Variants in CSMD1 observed in about 807,000 individuals in gnomAD.
The protein encoded by CSMD1 is CUB and Sushi multiple domains 1, also known as CUB and sushi domain-containing protein 1.
In CSMD1, 213 loss-of-function variants were observed where a neutral mutation model predicts 417.5. The ratio of observed to expected loss-of-function variants is 0.51; its 90% CI spans 0.46 to 0.57. The LOEUF (loss-of-function observed/expected upper bound fraction) is 0.57. CSMD1 is among the 20% of genes least tolerant of loss of function. The pLI, the probability that CSMD1 is intolerant of heterozygous loss-of-function variation, is 0.00. For synonymous variants in CSMD1, 2,862 were observed against 1,736.8 expected, an observed-to-expected ratio of 1.65 and a Z score of -16.11; for missense variants, 6,923 against 4,529.7, an observed-to-expected ratio of 1.53 and a Z score of -15.17.
intron 31 of CSMD1, among the ~76,000 whole-genome samples, chr8:3,205,080 G>A (rs1279570160): frequency 1.3e-5 from 2 of 152,178 alleles, no homozygotes; most frequent in Non-Finnish European, 2.9e-5. Flanking sequence ...TTGACTCAAG[G>A]ATGCAGTGAT....
At chr8:4,797,501 G>C (rs1798047124) in intron 1 of CSMD1, among the ~76,000 whole-genome samples, 1 of 152,186 alleles carries the variant, frequency 6.6e-6, no homozygotes, top group Non-Finnish European at 1.5e-5. Context: ...GTCTTTGCCA[G>C]CACTTTTAAT....
At chr8:3,339,304 AG>A (rs543377978) in intron 23 of CSMD1, among the ~76,000 whole-genome samples, 241 of 152,088 alleles carry the variant, frequency 1.6e-3, no homozygotes, top group African/African-American at 5.7e-3. Flanking sequence ...CTTCACTTCA[AG>A]CCTCTGTTTG....
intron 3 of CSMD1, among the ~76,000 whole-genome samples, chr8:4,238,152 T>C (rs943279621): frequency 1.3e-5 from 2 of 152,210 alleles, no homozygotes; most frequent in Non-Finnish European, 2.9e-5. Flanking sequence ...GTAAGTCCAG[T>C]CCTGGAATCC....
intron 5 of CSMD1, among the ~76,000 whole-genome samples, chr8:3,840,604 G>C (rs930135183): frequency 3.3e-5 from 5 of 151,964 alleles, no homozygotes; most frequent in Non-Finnish European, 4.4e-5. Flanking sequence ...GTATGTATAG[G>C]TGTGAGTTTA....
chr8:3,539,908 C>A (rs1392605241), intron 10 of CSMD1, among the ~76,000 whole-genome samples: 1 of 152,136 alleles, frequency 6.6e-6, no homozygotes, highest in Non-Finnish European at 1.5e-5. Flanking sequence ...AATTTAGACA[C>A]AATTGCTTCA....
chr8:3,339,959 A>G (rs1048698779), intron 23 of CSMD1, among the ~76,000 whole-genome samples: 1 of 152,204 alleles, frequency 6.6e-6, no homozygotes, highest in Admixed American at 6.5e-5. Context: ...TTTTGGTCTG[A>G]CTTACTATTC....
intron 6 of CSMD1, among the ~76,000 whole-genome samples, chr8:3,719,901 T>A (rs2129044086): frequency 6.6e-6 from 1 of 152,256 alleles, no homozygotes; most frequent in Admixed American, 6.5e-5. Flanking sequence ...AGATGTCACC[T>A]TGCCAGGTTA....
chr8:4,412,692 T>C (rs1796714055), intron 3 of CSMD1, among the ~76,000 whole-genome samples: 1 of 152,196 alleles, frequency 6.6e-6, no homozygotes, highest in Non-Finnish European at 1.5e-5. Context: ...TATATTAAGT[T>C]CACGTAACCA....
chr8:4,193,684 C>G (rs1799169317), intron 3 of CSMD1, among the ~76,000 whole-genome samples: 1 of 152,080 alleles, frequency 6.6e-6, no homozygotes, highest in Non-Finnish European at 1.5e-5. Flanking sequence ...CACAGCTCAA[C>G]AAAGATAAAA....
chr8:3,489,721 T>G (rs183180238), intron 11 of CSMD1, among the ~76,000 whole-genome samples: 117 of 152,302 alleles, frequency 7.7e-4, no homozygotes, highest in African/African-American at 2.7e-3. Flanking sequence ...TGAGAAGTCA[T>G]TGCCAGAAAT....
At chr8:2,990,167 T>C (rs541298877) in intron 54 of CSMD1, among the ~76,000 whole-genome samples, 1 of 152,242 alleles carries the variant, frequency 6.6e-6, no homozygotes, top group Non-Finnish European at 1.5e-5. Flanking sequence ...GAAAAGAGTT[T>C]GATTAAAGCT....
At chr8:3,437,314 T>C (rs1385295892) in intron 12 of CSMD1, among the ~76,000 whole-genome samples, 6 of 152,132 alleles carry the variant, frequency 3.9e-5, no homozygotes, top group African/African-American at 1.4e-4. Flanking sequence ...TCAACCCCAC[T>C]CCATTATTAT....
intron 6 of CSMD1, among the ~76,000 whole-genome samples, chr8:3,717,953 C>A (rs922215661): frequency 2.0e-5 from 3 of 152,260 alleles, no homozygotes; most frequent in Non-Finnish European, 2.9e-5. Context: ...CTAGGCTAAA[C>A]TGATTTCTAG....
intron 5 of CSMD1, among the ~76,000 whole-genome samples, chr8:3,944,104 T>A (rs956912807): frequency 3.3e-5 from 5 of 152,092 alleles, no homozygotes; most frequent in African/African-American, 1.2e-4. Context: ...ATAAAGCAAA[T>A]GTGATAAAAT....
intron 10 of CSMD1, among the ~76,000 whole-genome samples, chr8:3,504,776 T>C (rs1018581339): frequency 3.3e-5 from 5 of 152,164 alleles, no homozygotes; most frequent in African/African-American, 1.2e-4. Flanking sequence ...ACAAACTACT[T>C]AGATGAAGAA....
At chr8:4,186,710 C>T (rs902608159) in intron 3 of CSMD1, among the ~76,000 whole-genome samples, 3 of 151,666 alleles carry the variant, frequency 2.0e-5, no homozygotes, top group South Asian at 2.1e-4. Flanking sequence ...TTTTCAGCGG[C>T]GTACGGTCGC....
At chr8:3,296,703 G>T (rs557085780) in intron 25 of CSMD1, among the ~76,000 whole-genome samples, 1 of 152,164 alleles carries the variant, frequency 6.6e-6, no homozygotes, top group Non-Finnish European at 1.5e-5. Context: ...GAGAAAACAG[G>T]CTTGGAAGAG....
intron 3 of CSMD1, among the ~76,000 whole-genome samples, chr8:4,353,800 G>T (rs1165720223): frequency 6.6e-6 from 1 of 152,032 alleles, no homozygotes; most frequent in East Asian, 1.9e-4. Context: ...CTTATAAATG[G>T]CTCGATCATT....
intron 1 of CSMD1, among the ~76,000 whole-genome samples, chr8:4,680,001 G>C (rs1805936401): frequency 1.3e-5 from 2 of 152,140 alleles, no homozygotes; most frequent in African/African-American, 4.8e-5. Context: ...CTTGTAATTT[G>C]TTTTAGTACT....
Sources: allele counts gnomAD v4.1 joint callset (sites outside exome capture counted in the v4.1 genomes callset), GRCh38; gene constraint gnomAD v4.1.1; transcripts MANE v1.5; gene names NCBI Gene and HGNC (gene_info 2026-07-23, HGNC 2026-07-21).